SRP19: variants seen among roughly 807,000 people sequenced by gnomAD.
The protein encoded by SRP19 is signal recognition particle 19, also known as signal recognition particle 19 kDa protein.
A neutral mutation model predicts 22.4 loss-of-function variants in SRP19; 11 were observed. The ratio of observed to expected loss-of-function variants is 0.49; its 90% confidence interval spans 0.31 to 0.81. The LOEUF (loss-of-function observed/expected upper bound fraction) is 0.81, where lower values mean the gene tolerates loss of function less well. Among genes scored for constraint, SRP19 ranks in the 40% least tolerant of loss-of-function variants. SRP19 has a pLI of 0.05. For missense variants in SRP19, 168 were observed against 175.9 expected, an observed-to-expected ratio of 0.96 and a Z score of 0.25; for synonymous variants, 61 against 57.6, an observed-to-expected ratio of 1.06 and a Z score of -0.27.
rs763106827 is a variant in SRP19 at position 112,893,028 on chromosome 5, G to C, written c.*1421G>C. 3 of 1,522,484 alleles carry C rather than the reference G, an allele frequency of 2.0e-6. No homozygotes were observed. The South Asian group carries it at 3.4e-5, about 17-fold the overall frequency. 94.3% of individuals were successfully genotyped at this position (1,522,484 alleles called of 1,614,324 possible). Reference sequence around the variant, plus strand: ...CCTCTAGGTGCCGAAGTCGTGGGAGGAGGAAGTCGGGTAATAGAGACAGAA... The same window carrying C: ...CCTCTAGGTGCCGAAGTCGTGGGAGCAGGAAGTCGGGTAATAGAGACAGAA... On this transcript the variant is annotated 3_prime_UTR_variant, in exon 5 of 5. Transcript: ENST00000391338.
exon 5 of SRP19, chr5:112,892,338 C>G (rs1022151456): frequency 1.2e-6 from 2 of 1,614,010 alleles, no homozygotes; most frequent in Non-Finnish European, 1.7e-6. Context: ...TGGAGTACAG[C>G]GAGGAAGAAA....
At chr5:112,862,666 C>A in intron 2 of SRP19, 83 bp downstream of exon 2, 2 of 1,205,020 alleles carry the variant, frequency 1.7e-6, no homozygotes, top group East Asian at 2.5e-5. Flanking sequence ...GTTAGAGCCG[C>A]AGGGGGTTCT....
chr5:112,892,171 C>T (rs781707380), exon 5 of SRP19: 35 of 1,614,062 alleles, frequency 2.2e-5, no homozygotes, highest in Non-Finnish European at 2.8e-5. Flanking sequence ...AGCTAATTGT[C>T]CCTTCTACAG....
chr5:112,890,839 TA>T (rs1179502803), intron 4 of SRP19, among the ~76,000 whole-genome samples: 1 of 150,844 alleles, frequency 6.6e-6, no homozygotes, highest in African/African-American at 2.5e-5. Context: ...ACAAGTTACT[TA>T]ATCACTTAAG....
rs57112380 is a variant in SRP19, at chr5:112,892,898, G to A, written c.*1291G>A. On this transcript the variant is annotated 3_prime_UTR_variant, in exon 5 of 5. Coordinates refer to the SRP19 transcript ENST00000391338. ...TCTCACAAACGCACATCAAAGAGTC[G>A]GGAGAGGCACAATTCACCAAGCAGA... 8.6e-3 allele frequency: 13,875 copies of A among 1,610,170 alleles called. 1,029 individuals are homozygous for A. The African/African-American group carries it at 0.16, about 19-fold the overall frequency.
At chr5:112,884,467 A>AC (rs1298095881) in intron 4 of SRP19, among the ~76,000 whole-genome samples, 1 of 150,312 alleles carries the variant, frequency 6.7e-6, no homozygotes, top group Non-Finnish European at 1.5e-5. Context: ...AGCCTTGATT[A>AC]CCTGGGCCCA....
At chr5:112,895,885 T>A (rs1206565599), downstream of SRP19, 1 of 152,228 alleles carries the variant, frequency 6.6e-6, no homozygotes. Context: ...AGCCCACTGC[T>A]GCCTGCAGTT....
At chr5:112,878,761 G>A (rs1580724905) in intron 4 of SRP19, 2 of 1,614,006 alleles carry the variant, frequency 1.2e-6, no homozygotes. Flanking sequence ...TACAGAGAGG[G>A]CAGGAAGTTT....
chr5:112,889,017 G>A (rs1269137176), intron 4 of SRP19, among the ~76,000 whole-genome samples: 1 of 150,814 alleles, frequency 6.6e-6, no homozygotes. Context: ...TTTCGCTTGG[G>A]CTCTCATTCT....
At chr5:112,875,353 C>T (rs186243999) in intron 4 of SRP19, among the ~76,000 whole-genome samples, 16 of 144,800 alleles carry the variant, frequency 1.1e-4, no homozygotes, top group East Asian at 2.1e-4. Flanking sequence ...TTCAGAAGTA[C>T]GTTTTGTTTT....
downstream of SRP19, among the ~76,000 whole-genome samples, chr5:112,870,432 G>C (rs1433277029): frequency 6.6e-6 from 1 of 151,644 alleles, no homozygotes; most frequent in Admixed American, 6.6e-5. Flanking sequence ...AGTGAGCCGT[G>C]ATCATGCTAT....
chr5:112,878,695 T>G, intron 4 of SRP19: 1 of 1,529,104 alleles, frequency 6.5e-7, no homozygotes, highest in Non-Finnish European at 8.9e-7. Flanking sequence ...CAAGGCAACA[T>G]TATTAAAATA....
downstream of SRP19, among the ~76,000 whole-genome samples, chr5:112,870,962 C>T (rs961305667): frequency 6.6e-6 from 1 of 152,188 alleles, no homozygotes; most frequent in Admixed American, 6.5e-5. Context: ...AAGTGATTCT[C>T]CTGCCTCAGC....
At chr5:112,877,756 A>G (rs78851873) in intron 4 of SRP19, 322 of 152,334 alleles carry the variant, frequency 2.1e-3, no homozygotes, top group African/African-American at 7.7e-3. Context: ...TGATACAAAC[A>G]AGAACATACA....
downstream of SRP19, among the ~76,000 whole-genome samples, chr5:112,871,523 G>C (rs1243885555): frequency 6.6e-6 from 1 of 152,024 alleles, no homozygotes; most frequent in Non-Finnish European, 1.5e-5. Flanking sequence ...TTGGGAGGCT[G>C]AGGCGGGCAG....
In SRP19 at chr5:112,868,462, A is replaced by G; in HGVS notation, c.*925A>G. The G allele has an allele frequency of 1.2e-6, 1 of 823,180 alleles. No individual in the cohort carries two copies. The highest frequency in any genetic ancestry group is 1.5e-6 in the Non-Finnish European group (1 of 681,352). The allele number at this position is 823,180 out of a possible 1,614,324, so 51.0% of individuals were successfully genotyped here. A position where few individuals can be genotyped will look rare whatever the true frequency, so the allele number is the denominator to read the frequency against. ...GTTGCCTAGGCTGGAGTGCAATGGC[A>G]CGATATCGGCGTACCACAACCTCTG... On this transcript the variant is annotated 3_prime_UTR_variant, in exon 5 of 5. Transcript: ENST00000505459.
chr5:112,874,222 AATCC>A (rs550651267), downstream of SRP19, among the ~76,000 whole-genome samples: 36 of 152,268 alleles, frequency 2.4e-4, 1 homozygote, highest in South Asian at 7.5e-3. Context: ...TCATGCTTGT[AATCC>A]CAGCACTTTG....
At chr5:112,886,701 A>G (rs564705964) in intron 4 of SRP19, among the ~76,000 whole-genome samples, 1 of 152,380 alleles carries the variant, frequency 6.6e-6, no homozygotes, top group East Asian at 1.9e-4. Context: ...AAAAAATTAA[A>G]TAAACAATTA....
At chr5:112,864,772 G>C (rs772029899) in intron 4 of SRP19, 40 bp downstream of exon 4, 4 of 1,480,784 alleles carry the variant, frequency 2.7e-6, no homozygotes, top group Non-Finnish European at 3.7e-6. Flanking sequence ...TCAGGGATAG[G>C]TTTCTCCTAC....
Sources: allele counts gnomAD v4.1 joint callset (sites outside exome capture counted in the v4.1 genomes callset), GRCh38; gene constraint gnomAD v4.1.1; transcripts MANE v1.5; gene names NCBI Gene and HGNC (gene_info 2026-07-23, HGNC 2026-07-21).